The following RARB variants were observed in gnomAD, a reference collection of about 807,000 sequenced individuals.
The protein encoded by RARB is retinoic acid receptor beta.
In RARB, 17 loss-of-function variants were observed where a neutral mutation model predicts 51.9. The ratio of observed to expected loss-of-function variants is 0.33; its 90% CI spans 0.22 to 0.49. RARB has a LOEUF of 0.49. RARB is among the 20% of genes least tolerant of loss of function. The probability of loss-of-function intolerance (pLI) is 0.99; values close to 1 mark genes in which losing one functional copy is unlikely to be tolerated. For missense variants in RARB, 369 were observed against 550.8 expected (o/e 0.67, Z 3.30); for synonymous variants, 215 against 195.4 (o/e 1.10, Z -0.84).
At chr3:24,905,446 T>C (rs1694841341) in intron 2 of RARB, among the ~76,000 whole-genome samples, 1 of 152,186 alleles carries the variant, frequency 6.6e-6, no homozygotes, top group African/African-American at 2.4e-5. Flanking sequence ...TCTGTTCCAC[T>C]AACACTGGTG....
At chr3:25,356,039 A>C (rs1007015731) in intron 5 of RARB, among the ~76,000 whole-genome samples, 4 of 152,188 alleles carry the variant, frequency 2.6e-5, no homozygotes, top group Admixed American at 2.0e-4. Context: ...TTTGCAAGTT[A>C]ATAGAAAGGA....
At chr3:25,578,139 G>C (rs1529876) in intron 4 of RARB, among the ~76,000 whole-genome samples, 21,607 of 152,220 alleles carry the variant, frequency 0.14, 1,677 homozygotes, top group Non-Finnish European at 0.18. Context: ...TCCACGCTTC[G>C]CTGGTGCTCC....
rs573299470 is a variant in RARB, at chr3:24,884,306, A to G, written c.-380+25554A>G. On this transcript the variant is annotated intron_variant, in intron 2 of 11. Coordinates refer to the RARB transcript ENST00000383772. ...AAGGAGGTTGGAAGGGCAATGTCAT[A>G]TTATCTATTACACTGAAATATGAAA... 2.6e-5 allele frequency among the ~76,000 whole-genome samples: 4 copies of G among 152,278 alleles called. No individual in the cohort carries two copies. The East Asian group carries it at 7.7e-4, about 29-fold the overall frequency.
intron 1 of RARB, among the ~76,000 whole-genome samples, chr3:25,458,728 A>G (rs1441503887): frequency 6.6e-6 from 1 of 152,196 alleles, no homozygotes; most frequent in East Asian, 1.9e-4. Context: ...ATCTACTAGG[A>G]CCTGTACTAC....
chr3:25,529,778 G>A (rs896339989), intron 3 of RARB, among the ~76,000 whole-genome samples: 2 of 152,126 alleles, frequency 1.3e-5, no homozygotes, highest in African/African-American at 4.8e-5. Context: ...GTATAGCTCA[G>A]TTGAAAATAC....
At chr3:25,419,822 T>C (rs1282828665) in intron 5 of RARB, among the ~76,000 whole-genome samples, 2 of 152,230 alleles carry the variant, frequency 1.3e-5, no homozygotes, top group Non-Finnish European at 2.9e-5. Context: ...CCTCCCATGC[T>C]TATGTGTTAC....
intron 5 of RARB, chr3:25,259,114 CAAT>C (rs899643222): frequency 1.1e-5 from 11 of 964,954 alleles, no homozygotes; most frequent in Non-Finnish European, 1.4e-5. Context: ...TTCAAAATGA[CAAT>C]AACACACCTC....
intron 1 of RARB, among the ~76,000 whole-genome samples, chr3:24,851,978 TTCAAATATG>T (rs1469147287): frequency 6.6e-6 from 1 of 152,238 alleles, no homozygotes; most frequent in African/African-American, 2.4e-5. Context: ...ATGCTTGTAT[TTCAAATATG>T]TCTTGACTTT....
At chr3:25,008,684 A>T (rs9868031) in intron 2 of RARB, among the ~76,000 whole-genome samples, 50,338 of 151,910 alleles carry the variant, frequency 0.33, 10,436 homozygotes, top group African/African-American at 0.59. Context: ...GTTTTTCAAG[A>T]CCTTGTCAGC....
At chr3:25,332,074 A>T (rs929874491) in intron 5 of RARB, among the ~76,000 whole-genome samples, 1 of 152,224 alleles carries the variant, frequency 6.6e-6, no homozygotes, top group Non-Finnish European at 1.5e-5. Context: ...AGACGGATTC[A>T]CAGCCAAATT....
At chr3:24,979,028 G>A (rs941089908) in intron 2 of RARB, among the ~76,000 whole-genome samples, 4 of 152,148 alleles carry the variant, frequency 2.6e-5, no homozygotes, top group South Asian at 4.2e-4. Context: ...TCATTTAGGA[G>A]CAGGTTGTTC....
At chr3:24,910,740 G>C (rs1056908057) in intron 2 of RARB, among the ~76,000 whole-genome samples, 2 of 152,058 alleles carry the variant, frequency 1.3e-5, no homozygotes, top group African/African-American at 4.8e-5. Context: ...CTTCATTATA[G>C]TCAACCCGAT....
At chr3:24,919,733 A>T (rs1695180651) in intron 2 of RARB, among the ~76,000 whole-genome samples, 1 of 152,188 alleles carries the variant, frequency 6.6e-6, no homozygotes, top group African/African-American at 2.4e-5. Flanking sequence ...GTGCTCTTCT[A>T]ATTCCTTATC....
chr3:25,381,368 T>G (rs1172815177), intron 5 of RARB, among the ~76,000 whole-genome samples: 1 of 152,202 alleles, frequency 6.6e-6, no homozygotes, highest in East Asian at 1.9e-4. Flanking sequence ...GGTGCCAGAC[T>G]TCCTGTGTTC....
intron 5 of RARB, among the ~76,000 whole-genome samples, chr3:25,290,791 C>T (rs1294137009): frequency 6.6e-6 from 1 of 152,138 alleles, no homozygotes; most frequent in Non-Finnish European, 1.5e-5. Flanking sequence ...ATGCACTTAG[C>T]GCTCTGCTCA....
Position 25,320,780 on chromosome 3 carries a change from G to A in RARB, c.179-140413G>A, listed in dbSNP as rs190298960. 5.6e-4 allele frequency among the ~76,000 whole-genome samples: 85 copies of A among 152,280 alleles called. 1 individual carries two copies. The highest frequency in any genetic ancestry group is 6.5e-4 in the Admixed American group (10 of 15,294). On this transcript the variant is annotated intron_variant, in intron 5 of 11. Coordinates refer to the RARB transcript ENST00000383772. ...ACTTTTGTTTGTTTGTTTTTGACCA[G>A]AGATATGATTTGGGTTCTTTCCCAG...
chr3:25,160,973 C>T (rs1365904786), intron 4 of RARB, among the ~76,000 whole-genome samples: 1 of 152,096 alleles, frequency 6.6e-6, no homozygotes, highest in African/African-American at 2.4e-5. Context: ...TGTAATTACA[C>T]TGGGCTACCA....
chr3:24,875,311 C>G (rs1226806983), intron 2 of RARB, among the ~76,000 whole-genome samples: 1 of 152,106 alleles, frequency 6.6e-6, no homozygotes, highest in Non-Finnish European at 1.5e-5. Context: ...ACTTGTAAGC[C>G]TGGCTTAGGC....
chr3:24,906,735 C>A (rs1559390784), intron 2 of RARB, among the ~76,000 whole-genome samples: 1 of 149,256 alleles, frequency 6.7e-6, no homozygotes, highest in Non-Finnish European at 1.5e-5. Flanking sequence ...ATCCCACCTA[C>A]TTGGGAAGCT....
Sources: gnomAD v4.1 joint callset for allele counts (sites outside exome capture counted in the v4.1 genomes callset) on GRCh38, gnomAD v4.1.1 for gene constraint, MANE v1.5 for transcripts, NCBI Gene and HGNC (gene_info 2026-07-23, HGNC 2026-07-21) for gene names.